TMEM255B: variants seen among roughly 807,000 people sequenced by gnomAD.
TMEM255B encodes the protein family with sequence similarity 70, member B.
A neutral mutation model predicts 34.5 loss-of-function variants in TMEM255B; 35 were observed. The observed-to-expected ratio is 1.01, with a 90% confidence interval of 0.77 to 1.34. The LOEUF (loss-of-function observed/expected upper bound fraction) is 1.34. Ranked by LOEUF, TMEM255B falls within the 40% of genes most tolerant of loss-of-function variation. The probability of loss-of-function intolerance (pLI) is 0.00; values close to 1 mark genes in which losing one functional copy is unlikely to be tolerated. For synonymous variants in TMEM255B, 206 were observed against 201.2 expected (o/e 1.02, Z -0.20); for missense variants, 432 against 433.2 (o/e 1.00, Z 0.02).
In TMEM255B at chr13:113,770,858, C is replaced by T. The variant is rs1228651048; in HGVS notation, c.252+1698C>T. Among the ~76,000 whole-genome samples, 1 of 152,132 alleles carries T rather than the reference C, an allele frequency of 6.6e-6. No individual in the cohort carries two copies. The highest frequency in any genetic ancestry group is 1.5e-5 in the Non-Finnish European group (1 of 68,026). On this transcript the variant is annotated intron_variant, in intron 3 of 8. Coordinates refer to ENST00000375353, the MANE Select transcript of TMEM255B (RefSeq NM_182614.4). This position sits in a 1 kb window ranked among gnomAD's most constrained non-coding sequence, Gnocchi z 4.6. The stretch of plus-strand genomic sequence containing the variant: ...GGTGCCTGTAGGGAGTTGGGTGGGC[C>T]TGAGGAGGGAAGGCCTCCTGAAGAC...
chr13:113,773,435 C>T (rs2138530570), intron 3 of TMEM255B, among the ~76,000 whole-genome samples: 1 of 152,328 alleles, frequency 6.6e-6, no homozygotes, highest in Non-Finnish European at 1.5e-5. Flanking sequence ...ATTTCTATGG[C>T]TTCGGTAAAA....
intron 2 of TMEM255B, chr13:113,766,549 ACCAGAGGGCAGGAGGGGGG>A: frequency 2.2e-6 from 1 of 461,268 alleles, no homozygotes; most frequent in Non-Finnish European, 4.0e-6. Context: ...TCACAGGGTG[ACCAGAGGGCAGGAGGGGGG>A]CCAGAGCCCG....
At position 113,812,977 on chromosome 13, in the gene TMEM255B, A is replaced by ACGGGCCC. The variant is rs2051353732; in HGVS notation, c.*1078_*1079insCCCCGGG. ...GTGGGTCACGGGCCCCGGGTGGGTC[A>ACGGGCCC]CGGGTCCCGGGTGGGTCACGGGTCC... On this transcript the variant is annotated 3_prime_UTR_variant, in exon 9 of 9. Transcript: ENST00000375353. The ACGGGCCC allele has an allele frequency of 1.4e-4, 19 of 132,296 alleles. No homozygotes were observed. Among genetic ancestry groups the ACGGGCCC allele is most frequent in the Non-Finnish European group, 2.4e-4 (14 of 57,914 alleles). 8.2% of individuals were successfully genotyped at this position (132,296 alleles called of 1,614,324 possible). A position where few individuals can be genotyped will look rare whatever the true frequency, so the allele number is the denominator to read the frequency against.
At chr13:113,763,704 G>A (rs947354997) in intron 1 of TMEM255B, among the ~76,000 whole-genome samples, 2 of 152,172 alleles carry the variant, frequency 1.3e-5, no homozygotes, top group African/African-American at 4.8e-5. Context: ...TACTTTATGA[G>A]TGTTCTACAA....
chr13:113,766,690 C>T (rs949009507), intron 2 of TMEM255B, among the ~76,000 whole-genome samples: 3 of 152,166 alleles, frequency 2.0e-5, no homozygotes, highest in African/African-American at 4.8e-5. Flanking sequence ...GGGACCAGGT[C>T]GACCACCATA....
At position 113,801,748 on chromosome 13, in the gene TMEM255B, T is replaced by G. The variant is rs202108336; in HGVS notation, c.605T>G (p.Leu202Arg). 211 of 1,613,042 alleles carry G rather than the reference T, an allele frequency of 1.3e-4. No homozygotes were observed. Among genetic ancestry groups the G allele is most frequent in the Non-Finnish European group, 1.8e-4 (208 of 1,179,738 alleles). Reference sequence around the variant, plus strand: ...CGCCTGCTCTGGGCCTCTGCAGTTCTGAACGTCCTGGGCCTGTTCCTGGGC... The same window carrying G: ...CGCCTGCTCTGGGCCTCTGCAGTTCGGAACGTCCTGGGCCTGTTCCTGGGC... The part of the protein sequence containing the change: ...LYRLLWASAV[L>R]NVLGLFLGII... Residue 202 changes from leucine (L) to arginine (R), a missense_variant, in exon 7 of 9, where the codon CTG becomes CGG. Physicochemically the swap from Leu to Arg is moderately radical, Grantham distance 102. Transcript: ENST00000375353.
intron 3 of TMEM255B, among the ~76,000 whole-genome samples, chr13:113,786,117 G>A (rs1487636494): frequency 6.6e-6 from 1 of 152,120 alleles, no homozygotes; most frequent in Non-Finnish European, 1.5e-5. Flanking sequence ...TCTGGACTTC[G>A]GGATTCTAGC....
chr13:113,802,134 GC>G (rs1388708235), intron 7 of TMEM255B, among the ~76,000 whole-genome samples: 1 of 152,244 alleles, frequency 6.6e-6, no homozygotes, highest in Non-Finnish European at 1.5e-5. Context: ...ATTAGCAACT[GC>G]CTGGGGCTTC....
chr13:113,804,957 C>G lies in TMEM255B; in HGVS notation c.742C>G (p.Leu248Val). The part of the protein sequence containing the change: ...QTLYNPAQQI[L>V]AYAGFRLTPE... ...CCTCTACAACCCCGCCCAGCAGATC[C>G]TGGCCTACGCAGGCTTCCGCCTGAC... Residue 248 changes from leucine (L) to valine (V), a missense_variant, in exon 8 of 9, where the codon CTG becomes GTG. Transcript: ENST00000375353. 6.2e-7 allele frequency: 1 copy of G among 1,606,806 alleles called. No individual in the cohort carries two copies.
At chr13:113,783,134 G>A (rs1385301410) in intron 3 of TMEM255B, among the ~76,000 whole-genome samples, 47 of 152,108 alleles carry the variant, frequency 3.1e-4, no homozygotes, top group Admixed American at 3.1e-3. Flanking sequence ...GGTCCAAATT[G>A]GTATATTTTA....
intron 5 of TMEM255B, among the ~76,000 whole-genome samples, 167 bp from the exon 6 acceptor site, chr13:113,800,660 C>T (rs777196526): frequency 3.9e-5 from 6 of 152,134 alleles, no homozygotes; most frequent in South Asian, 4.1e-4. Context: ...TCCTGGCCCC[C>T]GAGCCCCCAA....
intron 4 of TMEM255B, among the ~76,000 whole-genome samples, chr13:113,798,065 C>A (rs1301072916): frequency 6.6e-6 from 1 of 152,108 alleles, no homozygotes; most frequent in Non-Finnish European, 1.5e-5. Flanking sequence ...GGGTGTATGG[C>A]TGAATGGTTG....
In TMEM255B at chr13:113,804,925, C is replaced by T. The variant is rs758808453; in HGVS notation, c.710C>T (p.Pro237Leu). The change falls in exon 8 of 9, where the codon CCA becomes CTA. Residue 237 changes from proline to leucine, a missense_variant. Physicochemically the swap from Pro to Leu is moderately conservative, Grantham distance 98 (BLOSUM62 -3). Coordinates refer to ENST00000375353, the MANE Select transcript of TMEM255B (RefSeq NM_182614.4). ...SQLAYGPAVP[P>L]QTLYNPAQQI... Reference sequence around the variant, plus strand: ...CTGGCCTATGGCCCAGCCGTCCCACCACAGACCCTCTACAACCCCGCCCAG... The same window carrying T: ...CTGGCCTATGGCCCAGCCGTCCCACTACAGACCCTCTACAACCCCGCCCAG... 6.2e-7 allele frequency: 1 copy of T among 1,604,806 alleles called. No homozygotes were observed.
At chr13:113,799,895 A>T (rs2051011124) in intron 5 of TMEM255B, 1 of 1,176,016 alleles carries the variant, frequency 8.5e-7, no homozygotes, top group Admixed American at 2.3e-5. Context: ...CAGCTCTGTG[A>T]CGGCGCTCTC....
chr13:113,811,838 G>C lies in TMEM255B; in HGVS notation c.916G>C (p.Ala306Pro). Residue 306 changes from alanine to proline, a missense_variant, in exon 9 of 9, where the codon GCT becomes CCT. Physicochemically the swap from Ala to Pro is conservative, Grantham distance 27. Coordinates refer to ENST00000375353, the MANE Select transcript of TMEM255B (RefSeq NM_182614.4). ...SSSGSGLPGQAPPCYAPTYFP... is the reference protein window; with the variant it reads ...SSSGSGLPGQPPPCYAPTYFP... ...CTCTGGCTCTGGGCTTCCCGGCCAG[G>C]CTCCACCGTGCTACGCACCCACCTA... 2 of 1,613,916 alleles carry C rather than the reference G, an allele frequency of 1.2e-6. No homozygotes were observed. The highest frequency in any genetic ancestry group is 2.2e-5 in the East Asian group (1 of 44,890).
intron 1 of TMEM255B, among the ~76,000 whole-genome samples, chr13:113,765,017 G>A (rs1594615381): frequency 1.3e-5 from 2 of 152,310 alleles, no homozygotes; most frequent in South Asian, 2.1e-4. Context: ...GGTGGGAGCC[G>A]ATGGTTTATT....
At position 113,769,012 on chromosome 13, in the gene TMEM255B, G is replaced by A. The variant is rs780632470; in HGVS notation, c.190-86G>A. ...TCGTCCCTGGATAAAATGCCTTTGA[G>A]GGCGGGATTATTTGCTTTAAATGTC... is the stretch of plus-strand genomic sequence containing the variant. On this transcript the variant is annotated intron_variant, in intron 2 of 8. Coordinates refer to ENST00000375353, the MANE Select transcript of TMEM255B (RefSeq NM_182614.4). This position sits in a 1 kb window ranked among gnomAD's most constrained non-coding sequence, Gnocchi z 4.2. The A allele has an allele frequency of 1.1e-5, 17 of 1,482,160 alleles. 1 individual carries two copies. The South Asian group carries it at 2.0e-4, about 17-fold the overall frequency. 91.8% of individuals were successfully genotyped at this position (1,482,160 alleles called of 1,614,324 possible).
Position 113,806,808 on chromosome 13 carries a change from TGGAGGCCCGCAGGGGTAGAAGGA to T in TMEM255B, c.813+1796_813+1818del, listed in dbSNP as rs149356157. On this transcript the variant is annotated intron_variant, in intron 8 of 8. Transcript: ENST00000375353. The surrounding 1 kb of genome is among the most constrained non-coding windows in gnomAD (Gnocchi z 4.2). ...GTGGGAAGTTTGCCAAGCCCAGAAC[TGGAGGCCCGCAGGGGTAGAAGGA>T]GGAGGCCCGCAGGGGCAGAGGTATC... Among the ~76,000 whole-genome samples the T allele has an allele frequency of 0.15, 22,016 of 145,404 alleles. 1,693 individuals are homozygous for T. The highest frequency in any genetic ancestry group is 0.26 in the Middle Eastern group (75 of 294).
In TMEM255B at chr13:113,799,219, T is replaced by G. The variant is rs1324298284; in HGVS notation, c.343-120T>G. The G allele has an allele frequency of 6.1e-6, 5 of 824,504 alleles. No homozygotes were observed. The Admixed American group carries it at 8.7e-5, about 14-fold the overall frequency. 51.1% of individuals were successfully genotyped at this position (824,504 alleles called of 1,614,324 possible). On this transcript the variant is annotated intron_variant, in intron 4 of 8. Transcript: ENST00000375353. ...GTGTTCTGTGTCTGGGAGGCTCAAG[T>G]TGGTGTTGGCCTTGGTCCTTGAGGC...
Sources: gnomAD v4.1 joint callset for allele counts (sites outside exome capture counted in the v4.1 genomes callset) on GRCh38, gnomAD v4.1.1 for gene constraint, Gnocchi (gnomAD v3.1) non-coding constraint, MANE v1.5 for transcripts, NCBI Gene and HGNC (gene_info 2026-07-23, HGNC 2026-07-21) for gene names.